TUBGCP4: variants seen among roughly 807,000 people sequenced by gnomAD.
The protein encoded by TUBGCP4 is tubulin gamma complex component 4.
In TUBGCP4, 54 loss-of-function variants were observed where a neutral mutation model predicts 91.6. The observed-to-expected ratio is 0.59, with a 90% confidence interval of 0.47 to 0.74. The LOEUF (loss-of-function observed/expected upper bound fraction) is 0.74, where lower values mean the gene tolerates loss of function less well. Among genes scored for constraint, TUBGCP4 ranks in the 30% least tolerant of loss-of-function variants. TUBGCP4 has a pLI of 0.00. For missense variants in TUBGCP4, 593 were observed against 800.9 expected, an observed-to-expected ratio of 0.74 and a Z score of 3.13; for synonymous variants, 297 against 302.8, an observed-to-expected ratio of 0.98 and a Z score of 0.20.
At chr15:43,400,607 C>A (rs1421322521) in intron 14 of TUBGCP4, among the ~76,000 whole-genome samples, 1 of 151,972 alleles carries the variant, frequency 6.6e-6, no homozygotes, top group African/African-American at 2.4e-5. Context: ...ACTTTGTTGC[C>A]CAGGCTGGTC....
In TUBGCP4 at chr15:43,398,078, T is replaced by C; in HGVS notation, c.1317T>C (p.Thr439=). The part of the protein sequence containing the change: ...TQAREGPSRE[T]SPREAPASGW... ...CAAGAGAAGGGCCTTCTCGGGAAACTTCTCCCCGGGAAGCCCCTGCATCTG... is the reference window on the plus strand; with the variant it reads ...CAAGAGAAGGGCCTTCTCGGGAAACCTCTCCCCGGGAAGCCCCTGCATCTG... The change falls in exon 13 of 18, where the codon ACT becomes ACC. Residue 439 remains threonine (T), a synonymous_variant. Transcript: ENST00000564079. 6.2e-7 allele frequency: 1 copy of C among 1,614,048 alleles called. No individual in the cohort carries two copies. The highest frequency in any genetic ancestry group is 8.5e-7 in the Non-Finnish European group (1 of 1,179,978).
chr15:43,406,020 A>G lies in TUBGCP4; in HGVS notation c.*806A>G, dbSNP rs1306351572. Reference sequence around the variant, plus strand: ...GTGCCATTGCATTCCAGCCCGGGCAACAAGAGCGAAATTCCGTCTCAAAAA... The same window carrying G: ...GTGCCATTGCATTCCAGCCCGGGCAGCAAGAGCGAAATTCCGTCTCAAAAA... On this transcript the variant is annotated 3_prime_UTR_variant, in exon 18 of 18. Transcript: ENST00000564079. 6.9e-6 allele frequency: 1 copy of G among 144,888 alleles called. No individual in the cohort carries two copies. The highest frequency in any genetic ancestry group is 2.0e-4 in the East Asian group (1 of 5,066). 9.0% of individuals were successfully genotyped at this position (144,888 alleles called of 1,614,324 possible).
chr15:43,405,445 T>C lies in TUBGCP4; in HGVS notation c.*231T>C, dbSNP rs571058724. ...AGAACATGTGGCATCTCTGATCCTT[T>C]ACATTGAGAACATTTGTTGGATATG... is the stretch of plus-strand genomic sequence containing the variant. On this transcript the variant is annotated 3_prime_UTR_variant, in exon 18 of 18. Coordinates refer to ENST00000564079, the MANE Select transcript of TUBGCP4 (RefSeq NM_014444.5). 5.1e-6 allele frequency: 3 copies of C among 585,298 alleles called. No individual in the cohort carries two copies. The African/African-American group carries it at 5.6e-5, about 11-fold the overall frequency. 36.3% of individuals were successfully genotyped at this position (585,298 alleles called of 1,614,324 possible).
At position 43,407,945 on chromosome 15, in the gene TUBGCP4, T is replaced by C. The variant is rs2044970371; in HGVS notation, c.*2731T>C. ...ACTACACACACTCTTTCAGGTACCT[T>C]TGTTATGGGCACTTGAATGGTGCTG... On this transcript the variant is annotated 3_prime_UTR_variant, in exon 18 of 18. Coordinates refer to ENST00000564079, the MANE Select transcript of TUBGCP4 (RefSeq NM_014444.5). 1 of 1,611,556 alleles carries C rather than the reference T, an allele frequency of 6.2e-7. No homozygotes were observed. Among genetic ancestry groups the C allele is most frequent in the South Asian group, 1.1e-5 (1 of 90,924 alleles).
At chr15:43,395,333 T>A (rs901169415) in intron 10 of TUBGCP4, 176 bp downstream of exon 10, 5 of 734,168 alleles carry the variant, frequency 6.8e-6, no homozygotes, top group Non-Finnish European at 1.2e-5. Flanking sequence ...AATACAAAGA[T>A]TTGGGAGTGT....
In TUBGCP4 at chr15:43,407,373, C is replaced by G; in HGVS notation, c.*2159C>G. 1 of 1,613,046 alleles carries G rather than the reference C, an allele frequency of 6.2e-7. No individual in the cohort carries two copies. The highest frequency in any genetic ancestry group is 2.2e-5 in the East Asian group (1 of 44,868). On this transcript the variant is annotated 3_prime_UTR_variant, in exon 18 of 18. Transcript: ENST00000564079. ...ATAGCAGGGAATAAAACCAGTAAGA[C>G]CAAGTATCTTTAGTGAGAAACATAA...
chr15:43,408,181 C>A lies in TUBGCP4; in HGVS notation c.*2967C>A, dbSNP rs1335607987. 1.5e-5 allele frequency: 19 copies of A among 1,297,464 alleles called. No homozygotes were observed. Among genetic ancestry groups the A allele is most frequent in the Non-Finnish European group, 1.9e-5 (18 of 938,792 alleles). The allele number at this position is 1,297,464 out of a possible 1,614,324, so 80.4% of individuals were successfully genotyped here. ...GGACTCATGTACATCTGAATGCTTT[C>A]AAAAATAAATGCCCCATCAGACATA... On this transcript the variant is annotated 3_prime_UTR_variant, in exon 18 of 18. Transcript: ENST00000564079.
In TUBGCP4 at chr15:43,405,265, C is replaced by A; in HGVS notation, c.*51C>A. 6.2e-7 allele frequency: 1 copy of A among 1,603,322 alleles called. No individual in the cohort carries two copies. The highest frequency in any genetic ancestry group is 8.5e-7 in the Non-Finnish European group (1 of 1,170,306). On this transcript the variant is annotated 3_prime_UTR_variant, in exon 18 of 18. Coordinates refer to ENST00000564079, the MANE Select transcript of TUBGCP4 (RefSeq NM_014444.5). ...AACAGCCACGTTCCCAAGGTTGTAACAGAAGATTCAAAACATCCCATTCTA... is the reference window on the plus strand; with the variant it reads ...AACAGCCACGTTCCCAAGGTTGTAAAAGAAGATTCAAAACATCCCATTCTA...
intron 9 of TUBGCP4, among the ~76,000 whole-genome samples, chr15:43,388,142 C>T (rs2044409499): frequency 2.0e-5 from 3 of 152,168 alleles, no homozygotes; most frequent in South Asian, 4.1e-4. Context: ...TGAGCCACCA[C>T]GCCCGGCAGG....
chr15:43,373,645 CTT>C (rs767035742), intron 1 of TUBGCP4, among the ~76,000 whole-genome samples: 6 of 129,594 alleles, frequency 4.6e-5, no homozygotes, highest in Admixed American at 7.7e-5. Flanking sequence ...AGACCAGGTT[CTT>C]TTTTTTTTTT....
At chr15:43,386,064 A>G in intron 8 of TUBGCP4, 108 bp downstream of exon 8, 14 of 1,524,444 alleles carry the variant, frequency 9.2e-6, no homozygotes, top group Non-Finnish European at 1.2e-5. Flanking sequence ...TAATATTCCT[A>G]TCCTGAGATT....
intron 9 of TUBGCP4, among the ~76,000 whole-genome samples, chr15:43,393,576 C>T (rs1043211030): frequency 6.6e-6 from 1 of 151,966 alleles, no homozygotes; most frequent in East Asian, 1.9e-4. Context: ...AGGTATATCT[C>T]CTAATGCTAT....
At chr15:43,395,543 C>T (rs756883151) in intron 10 of TUBGCP4, 40 bp from the exon 11 acceptor site, 4 of 1,469,928 alleles carry the variant, frequency 2.7e-6, no homozygotes, top group Non-Finnish European at 3.8e-6. Flanking sequence ...GGAGCTCCTG[C>T]CTTGCTTTAC....
chr15:43,406,404 T>C lies in TUBGCP4; in HGVS notation c.*1190T>C, dbSNP rs1837960. On this transcript the variant is annotated 3_prime_UTR_variant, in exon 18 of 18. Coordinates refer to ENST00000564079, the MANE Select transcript of TUBGCP4 (RefSeq NM_014444.5). ...ATTATCAACTAAAGATCACCCTTTC[T>C]ACTGCTGTCTCTGGAGCAGGAGCTG... is the stretch of plus-strand genomic sequence containing the variant. 78,760 of 338,294 alleles carry C rather than the reference T, an allele frequency of 0.23. 14,571 individuals carry two copies. Among genetic ancestry groups the C allele is most frequent in the African/African-American group, 0.63 (28,961 of 46,286 alleles). 21.0% of individuals were successfully genotyped at this position (338,294 alleles called of 1,614,324 possible). A position where few individuals can be genotyped will look rare whatever the true frequency, so the allele number is the denominator to read the frequency against.
chr15:43,372,562 G>C (rs2044140354), intron 1 of TUBGCP4, among the ~76,000 whole-genome samples: 1 of 146,250 alleles, frequency 6.8e-6, no homozygotes. Flanking sequence ...TATTTAGGAA[G>C]TATGTGGGTG....
Position 43,406,686 on chromosome 15 carries a change from A to G in TUBGCP4, c.*1472A>G. ...CAGAGGAAGGGAAGGAACTGCTTCC[A>G]GCTATTGTGACAATAATAATAATAA... On this transcript the variant is annotated 3_prime_UTR_variant, in exon 18 of 18. Coordinates refer to ENST00000564079, the MANE Select transcript of TUBGCP4 (RefSeq NM_014444.5). The G allele has an allele frequency of 2.3e-6, 1 of 442,660 alleles. No homozygotes were observed. 27.4% of individuals were successfully genotyped at this position (442,660 alleles called of 1,614,324 possible). A position where few individuals can be genotyped will look rare whatever the true frequency, so the allele number is the denominator to read the frequency against.
rs1254271408 is a variant in TUBGCP4 at position 43,405,662 on chromosome 15, G to GT, written c.*449dup. On this transcript the variant is annotated 3_prime_UTR_variant, in exon 18 of 18. Coordinates refer to ENST00000564079, the MANE Select transcript of TUBGCP4 (RefSeq NM_014444.5). ...TTACCACCAAGTAAGAAAGCAACAGGTAAGATAGGCTTTCTCTCTCCCTAT... is the reference window on the plus strand; with the variant it reads ...TTACCACCAAGTAAGAAAGCAACAGGTTAAGATAGGCTTTCTCTCTCCCTAT... 1 of 162,296 alleles carries GT rather than the reference G, an allele frequency of 6.2e-6. No individual in the cohort carries two copies. The highest frequency in any genetic ancestry group is 1.8e-4 in the East Asian group (1 of 5,668). The allele number at this position is 162,296 out of a possible 1,614,324, so 10.1% of individuals were successfully genotyped here.
chr15:43,375,611 G>T (rs2044193902), intron 1 of TUBGCP4, among the ~76,000 whole-genome samples: 1 of 152,092 alleles, frequency 6.6e-6, no homozygotes, highest in African/African-American at 2.4e-5. Flanking sequence ...CAGATAATAG[G>T]TATGCTTAAT....
chr15:43,378,766 T>C (rs1278830269), intron 5 of TUBGCP4, among the ~76,000 whole-genome samples: 1 of 152,252 alleles, frequency 6.6e-6, no homozygotes, highest in Non-Finnish European at 1.5e-5. Context: ...GGCTGTGTAC[T>C]AGGCACTGTG....
Sources: allele counts gnomAD v4.1 joint callset (sites outside exome capture counted in the v4.1 genomes callset), GRCh38; gene constraint gnomAD v4.1.1; transcripts MANE v1.5; gene names NCBI Gene and HGNC (gene_info 2026-07-23, HGNC 2026-07-21).